Variants in AGPS observed in about 807,000 individuals in gnomAD.
The protein encoded by AGPS is alkyldihydroxyacetonephosphate synthase, peroxisomal.
AGPS carries 26 observed loss-of-function variants against 90.7 expected under a neutral mutation model. That is an observed-to-expected ratio of 0.29 (90% CI 0.21 to 0.40). The LOEUF is 0.40. Among genes scored for constraint, AGPS ranks in the 10% least tolerant of loss-of-function variants. The pLI, the probability that AGPS is intolerant of heterozygous loss-of-function variation, is 1.00. For synonymous variants in AGPS, 294 were observed against 285.3 expected (o/e 1.03, Z -0.31); for missense variants, 540 against 816.1 (o/e 0.66, Z 4.12).
At chr2:177,425,884 T>G (rs998318500) in intron 2 of AGPS, among the ~76,000 whole-genome samples, 2 of 152,208 alleles carry the variant, frequency 1.3e-5, no homozygotes, top group African/African-American at 2.4e-5. Flanking sequence ...GGCTCTTTTT[T>G]GATTCCATAT....
intron 15 of AGPS, among the ~76,000 whole-genome samples, chr2:177,507,034 GC>G (rs199633296): frequency 2.0e-5 from 3 of 150,906 alleles, no homozygotes. Context: ...TAGGGATTCC[GC>G]CCCCCCTACC....
chr2:177,519,711 G>A (rs1307245570), intron 17 of AGPS, among the ~76,000 whole-genome samples: 1 of 152,136 alleles, frequency 6.6e-6, no homozygotes, highest in East Asian at 1.9e-4. Context: ...CAAATGATGA[G>A]TTCATAGTAT....
chr2:177,462,591 T>C (rs1205974823), intron 9 of AGPS, among the ~76,000 whole-genome samples: 6 of 151,930 alleles, frequency 3.9e-5, no homozygotes, highest in Non-Finnish European at 7.4e-5. Flanking sequence ...ATCCAGCTCA[T>C]AAAATACGGT....
intron 1 of AGPS, among the ~76,000 whole-genome samples, chr2:177,410,580 A>G (rs1685591716): frequency 6.6e-6 from 1 of 152,230 alleles, no homozygotes; most frequent in Admixed American, 6.5e-5. Context: ...ATGTGAAAAG[A>G]GTAAAGTTCC....
intron 19 of AGPS, among the ~76,000 whole-genome samples, chr2:177,529,045 C>T (rs111237427): frequency 0.12 from 17,837 of 151,544 alleles, 1,297 homozygotes; most frequent in East Asian, 0.36. Flanking sequence ...TTAGTAGAGA[C>T]GGGGTTTCAC....
At chr2:177,447,203 G>A (rs1574374866) in intron 8 of AGPS, among the ~76,000 whole-genome samples, 2 of 152,166 alleles carry the variant, frequency 1.3e-5, no homozygotes, top group East Asian at 3.9e-4. Context: ...TTCTTGAAAA[G>A]TTGATTGACA....
intron 1 of AGPS, among the ~76,000 whole-genome samples, chr2:177,416,460 A>G (rs1370236459): frequency 1.3e-5 from 2 of 152,048 alleles, no homozygotes; most frequent in African/African-American, 4.8e-5. Flanking sequence ...AATGTGTAAA[A>G]CATTTATTTT....
At chr2:177,421,243 A>G (rs1685931400) in intron 2 of AGPS, among the ~76,000 whole-genome samples, 1 of 152,042 alleles carries the variant, frequency 6.6e-6, no homozygotes, top group Admixed American at 6.5e-5. Context: ...AAAGAAACTG[A>G]GACTAAGTAA....
At chr2:177,536,516 G>A (rs910022424) in intron 19 of AGPS, among the ~76,000 whole-genome samples, 1 of 152,020 alleles carries the variant, frequency 6.6e-6, no homozygotes, top group Non-Finnish European at 1.5e-5. Context: ...ACCTTATAAA[G>A]TCTAATCCAT....
chr2:177,479,549 G>C lies in AGPS; in HGVS notation c.1106-2510G>C, dbSNP rs79759511. On this transcript the variant is annotated intron_variant, in intron 10 of 19. Transcript: ENST00000264167. Reference sequence around the variant, plus strand: ...TTCATCAACTGATGAGCAGATAAACGAAGTGAGTTATACTATACAATGGAA... The same window carrying C: ...TTCATCAACTGATGAGCAGATAAACCAAGTGAGTTATACTATACAATGGAA... Among the ~76,000 whole-genome samples the C allele has an allele frequency of 6.3e-3, 960 of 152,276 alleles. 11 individuals carry two copies. The highest frequency in any genetic ancestry group is 0.021 in the African/African-American group (866 of 41,556).
At chr2:177,393,299 A>C in intron 1 of AGPS, 1 of 985,404 alleles carries the variant, frequency 1.0e-6, no homozygotes, top group Non-Finnish European at 1.2e-6. Context: ...CTCTCGTTGG[A>C]GAAGGGTTTA....
At chr2:177,445,835 ATT>A (rs1473416008) in intron 8 of AGPS, among the ~76,000 whole-genome samples, 1 of 152,206 alleles carries the variant, frequency 6.6e-6, no homozygotes, top group East Asian at 1.9e-4. Context: ...TGAATAAGGC[ATT>A]GTCTGCTACC....
intron 13 of AGPS, among the ~76,000 whole-genome samples, chr2:177,498,637 A>AG (rs1165909031): frequency 6.6e-6 from 1 of 151,616 alleles, no homozygotes; most frequent in Non-Finnish European, 1.5e-5. Flanking sequence ...TTAAAAAAAA[A>AG]AAAGTCTTTA....
At chr2:177,445,738 C>G in intron 8 of AGPS, 112 bp downstream of exon 8, 1 of 693,214 alleles carries the variant, frequency 1.4e-6, no homozygotes, top group Non-Finnish European at 2.4e-6. Flanking sequence ...GAATGAAATA[C>G]CTTTTATGAT....
chr2:177,452,897 A>G (rs1175835645), intron 8 of AGPS, among the ~76,000 whole-genome samples: 1 of 151,992 alleles, frequency 6.6e-6, no homozygotes, highest in African/African-American at 2.4e-5. Flanking sequence ...GTGATATTGT[A>G]ATACTTTGCA....
intron 11 of AGPS, among the ~76,000 whole-genome samples, chr2:177,485,697 A>G (rs567053800): frequency 1.6e-3 from 249 of 152,326 alleles, no homozygotes; most frequent in African/African-American, 5.8e-3. Flanking sequence ...CAGGCAGATC[A>G]CTTGAGCCCA....
chr2:177,440,060 A>G (rs1686552751), intron 5 of AGPS, among the ~76,000 whole-genome samples: 2 of 152,144 alleles, frequency 1.3e-5, no homozygotes, highest in African/African-American at 4.8e-5. Context: ...ATAAATCATC[A>G]ATGGTGCTAA....
In AGPS at chr2:177,405,856, T is replaced by C. The variant is rs561084346; in HGVS notation, c.260+12807T>C. On this transcript the variant is annotated intron_variant, in intron 1 of 19. Coordinates refer to ENST00000264167, the MANE Select transcript of AGPS (RefSeq NM_003659.4). ...CCACTGTTGGGGGAACTTTAAGTTA[T>C]TATCTCTAACTCTCAACTCTCATTT... Among the ~76,000 whole-genome samples, 419 of 152,118 alleles carry C rather than the reference T, an allele frequency of 2.8e-3. 1 individual carries two copies. Among genetic ancestry groups the C allele is most frequent in the Middle Eastern group, 0.01 (3 of 294 alleles).
chr2:177,532,790 A>T lies in AGPS; in HGVS notation c.1856-5284A>T, dbSNP rs975198510. On this transcript the variant is annotated intron_variant, in intron 19 of 19. Coordinates refer to ENST00000264167, the MANE Select transcript of AGPS (RefSeq NM_003659.4). ...CATCCATACCATAGGAATACTACTC[A>T]GCAATAAATAAAAACAATGAACTAT... Among the ~76,000 whole-genome samples the T allele has an allele frequency of 2.6e-5, 4 of 152,334 alleles. No homozygotes were observed. The East Asian group carries it at 7.7e-4, about 29-fold the overall frequency.
Sources: gnomAD v4.1 joint callset for allele counts (sites outside exome capture counted in the v4.1 genomes callset) on GRCh38, gnomAD v4.1.1 for gene constraint, MANE v1.5 for transcripts, NCBI Gene and HGNC (gene_info 2026-07-23, HGNC 2026-07-21) for gene names.